The following DYRK1A variants were observed in gnomAD, a reference collection of about 807,000 sequenced individuals.
The protein encoded by DYRK1A is dual specificity tyrosine phosphorylation regulated kinase 1A.
In DYRK1A, 9 loss-of-function variants were observed where a neutral mutation model predicts 79.7. That is an observed-to-expected ratio of 0.11 (90% CI 0.07 to 0.20). DYRK1A has a LOEUF of 0.20. Ranked by LOEUF, DYRK1A falls within the 10% of genes least tolerant of loss-of-function variation. The probability of loss-of-function intolerance (pLI) is 1.00; values close to 1 mark genes in which losing one functional copy is unlikely to be tolerated. For synonymous variants in DYRK1A, 349 were observed against 329.7 expected (o/e 1.06, Z -0.63); for missense variants, 622 against 956.0 (o/e 0.65, Z 4.61).
At chr21:37,424,332 G>A (rs755192227) in intron 2 of DYRK1A, among the ~76,000 whole-genome samples, 54 of 152,136 alleles carry the variant, frequency 3.5e-4, no homozygotes, top group South Asian at 6.2e-4. Context: ...TTTACTTTTT[G>A]TTTATTAGAT....
intron 1 of DYRK1A, among the ~76,000 whole-genome samples, chr21:37,399,608 A>G (rs1192479034): frequency 1.3e-5 from 2 of 152,226 alleles, no homozygotes; most frequent in Non-Finnish European, 2.9e-5. Flanking sequence ...TTAATAGAAT[A>G]TGTGACAACT....
At chr21:37,384,235 A>G (rs1030655890) in intron 1 of DYRK1A, among the ~76,000 whole-genome samples, 3 of 152,194 alleles carry the variant, frequency 2.0e-5, no homozygotes, top group Non-Finnish European at 2.9e-5. Context: ...CTATACTGAG[A>G]AAGAGTTCTT....
intron 2 of DYRK1A, among the ~76,000 whole-genome samples, chr21:37,429,857 G>T (rs189871187): frequency 1.2e-3 from 180 of 152,284 alleles, no homozygotes; most frequent in African/African-American, 4.2e-3. Flanking sequence ...ACTTACAGGG[G>T]TAACCCCTTT....
At chr21:37,389,161 A>T (rs1036905622) in intron 1 of DYRK1A, among the ~76,000 whole-genome samples, 1 of 151,478 alleles carries the variant, frequency 6.6e-6, no homozygotes, top group Non-Finnish European at 1.5e-5. Context: ...TACAGGCATG[A>T]GCCACCACTA....
chr21:37,466,758 A>G (rs1320784664), intron 2 of DYRK1A, among the ~76,000 whole-genome samples: 1 of 152,172 alleles, frequency 6.6e-6, no homozygotes, highest in Non-Finnish European at 1.5e-5. Flanking sequence ...GAGATTTTTA[A>G]TACATTGTTG....
At chr21:37,461,257 A>G (rs968006606) in intron 2 of DYRK1A, among the ~76,000 whole-genome samples, 1 of 152,158 alleles carries the variant, frequency 6.6e-6, no homozygotes, top group Admixed American at 6.5e-5. Context: ...TTATACATTT[A>G]TTTAAATTAT....
intron 2 of DYRK1A, among the ~76,000 whole-genome samples, chr21:37,463,575 A>T (rs1244581546): frequency 1.3e-5 from 2 of 152,084 alleles, no homozygotes; most frequent in Non-Finnish European, 2.9e-5. Context: ...TCTCTCAATG[A>T]TTTCTTCACA....
intron 2 of DYRK1A, among the ~76,000 whole-genome samples, chr21:37,463,794 G>T (rs925303691): frequency 1.3e-5 from 2 of 152,154 alleles, no homozygotes; most frequent in Non-Finnish European, 2.9e-5. Context: ...GTGCCTTGTT[G>T]CTAGGGACCT....
At chr21:37,468,770 T>G (rs1161889071) in intron 2 of DYRK1A, among the ~76,000 whole-genome samples, 1 of 152,150 alleles carries the variant, frequency 6.6e-6, no homozygotes, top group African/African-American at 2.4e-5. Flanking sequence ...GGTAATAGAT[T>G]TTTTTCATGA....
At chr21:37,472,633 C>G in intron 2 of DYRK1A, 51 bp from the exon 3 acceptor site, 1 of 1,399,882 alleles carries the variant, frequency 7.1e-7, no homozygotes, top group Non-Finnish European at 9.6e-7. Flanking sequence ...TCAAATGATA[C>G]AAACATTAGG....
chr21:37,365,839 G>A (rs984828873), upstream of DYRK1A: 4 of 152,530 alleles, frequency 2.6e-5, no homozygotes, highest in African/African-American at 9.6e-5. Flanking sequence ...CGAAAGGTGG[G>A]GAGAGGTTGG....
At chr21:37,479,606 G>GTTTGTTT (rs2052537701) in intron 4 of DYRK1A, among the ~76,000 whole-genome samples, 1 of 27,594 alleles carries the variant, frequency 3.6e-5, no homozygotes, top group Non-Finnish European at 6.9e-5. Context: ...TTTTGTTTTT[G>GTTTGTTT]TTTTTGTTTT....
intron 1 of DYRK1A, 120 bp from the exon 2 acceptor site, chr21:37,420,179 G>T: frequency 2.6e-6 from 1 of 382,490 alleles, no homozygotes; most frequent in Non-Finnish European, 4.6e-6. Flanking sequence ...AATGAATTTT[G>T]CAAATTTGAA....
In DYRK1A at chr21:37,514,161, C is replaced by T. The variant is rs2053836770; in HGVS notation, c.*1630C>T. On this transcript the variant is annotated 3_prime_UTR_variant, in exon 12 of 12. Transcript: ENST00000647188. ...ATTAACCTACTTGTAAACTTGAAAG[C>T]AAGACCTTGATTGCACCAACAGGTC... 1 of 152,622 alleles carries T rather than the reference C, an allele frequency of 6.6e-6. No individual in the cohort carries two copies. Among genetic ancestry groups the T allele is most frequent in the Non-Finnish European group, 1.5e-5 (1 of 68,034 alleles). The allele number at this position is 152,622 out of a possible 1,614,324, so 9.5% of individuals were successfully genotyped here. A position where few individuals can be genotyped will look rare whatever the true frequency, so the allele number is the denominator to read the frequency against.
intron 2 of DYRK1A, among the ~76,000 whole-genome samples, chr21:37,452,747 T>G (rs1407878687): frequency 3.6e-5 from 5 of 139,884 alleles, no homozygotes; most frequent in Admixed American, 3.0e-4. Context: ...TTTTCTGATC[T>G]CACACTCCCG....
rs1014547185 is a variant in DYRK1A, at chr21:37,521,438, A to G, written c.*8907A>G. 3 of 152,260 alleles carry G rather than the reference A, an allele frequency of 2.0e-5. No homozygotes were observed. Among genetic ancestry groups the G allele is most frequent in the South Asian group, 2.1e-4 (1 of 4,836 alleles). The allele number at this position is 152,260 out of a possible 1,614,324, so 9.4% of individuals were successfully genotyped here. A position where few individuals can be genotyped will look rare whatever the true frequency, so the allele number is the denominator to read the frequency against. The stretch of plus-strand genomic sequence containing the variant: ...TCTTGGGACAGCTGGTGTGAGAACT[A>G]TATAAGAGAAATCAACAAATATTAA... On this transcript the variant is annotated 3_prime_UTR_variant, in exon 12 of 12. Transcript: ENST00000647188.
chr21:37,483,561 T>TC (rs1269908336), intron 5 of DYRK1A, among the ~76,000 whole-genome samples: 4 of 151,794 alleles, frequency 2.6e-5, no homozygotes, highest in African/African-American at 2.4e-5. Context: ...GCTTTGGGAG[T>TC]CCTTTTTTTT....
At chr21:37,368,415 C>T (rs76562429) in intron 1 of DYRK1A, among the ~76,000 whole-genome samples, 196 of 152,328 alleles carry the variant, frequency 1.3e-3, no homozygotes, top group African/African-American at 4.4e-3. Context: ...AAGGCTCCTC[C>T]CTAATCTGAA....
chr21:37,401,685 G>A (rs972181785), intron 1 of DYRK1A, among the ~76,000 whole-genome samples: 11 of 151,996 alleles, frequency 7.2e-5, no homozygotes, highest in African/African-American at 1.7e-4. Context: ...GTTTCACCAT[G>A]TTGGCCAGGC....
Sources: allele counts gnomAD v4.1 joint callset (sites outside exome capture counted in the v4.1 genomes callset), GRCh38; gene constraint gnomAD v4.1.1; transcripts MANE v1.5; gene names NCBI Gene and HGNC (gene_info 2026-07-23, HGNC 2026-07-21).